Variants in OTUD7A observed in about 807,000 individuals in gnomAD.
OTUD7A encodes the protein OTU deubiquitinase 7A, also known as OTU domain-containing protein 7A.
In OTUD7A, 12 loss-of-function variants were observed where a neutral mutation model predicts 65.7. The observed-to-expected ratio is 0.18, with a 90% CI of 0.12 to 0.30. The LOEUF (loss-of-function observed/expected upper bound fraction) is 0.30, where lower values mean the gene tolerates loss of function less well. Among genes scored for constraint, OTUD7A ranks in the 10% least tolerant of loss-of-function variants. OTUD7A has a pLI of 1.00. For synonymous variants in OTUD7A, 641 were observed against 586.3 expected, an observed-to-expected ratio of 1.09 and a Z score of -1.35; for missense variants, 1,148 against 1,304.8, an observed-to-expected ratio of 0.88 and a Z score of 1.85.
At position 31,498,315 on chromosome 15, in the gene OTUD7A, A is replaced by C. The variant is rs1238193465; in HGVS notation, c.1171+3375T>G. Among the ~76,000 whole-genome samples, 1 of 152,162 alleles carries C rather than the reference A, an allele frequency of 6.6e-6. No homozygotes were observed. The highest frequency in any genetic ancestry group is 6.5e-5 in the Admixed American group (1 of 15,290). ...ACAGAAATGCAGATTATTTTATTACATTGGTTTCCTTTGATTTCTCCTGAT... is the reference window on the plus strand; with the variant it reads ...ACAGAAATGCAGATTATTTTATTACCTTGGTTTCCTTTGATTTCTCCTGAT... On this transcript the variant is annotated intron_variant, in intron 10 of 12. Transcript: ENST00000307050. This position sits in a 1 kb window ranked among gnomAD's most constrained non-coding sequence, Gnocchi z 4.2.
intron 1 of OTUD7A, among the ~76,000 whole-genome samples, chr15:31,754,263 T>C (rs1894747360): frequency 6.6e-6 from 1 of 152,210 alleles, no homozygotes; most frequent in African/African-American, 2.4e-5. Context: ...TATTAGTCCT[T>C]TGTCAGACAT....
chr15:31,840,716 T>C (rs896415146), intron 1 of OTUD7A, among the ~76,000 whole-genome samples: 2 of 152,226 alleles, frequency 1.3e-5, no homozygotes, highest in African/African-American at 2.4e-5. Flanking sequence ...AATATTAAAA[T>C]GGACAATAAT....
chr15:31,560,251 T>C (rs1888646807), intron 4 of OTUD7A, among the ~76,000 whole-genome samples: 1 of 152,246 alleles, frequency 6.6e-6, no homozygotes. Context: ...GCCTCCTACA[T>C]GGCCCTCCCA....
At chr15:31,740,943 A>G (rs1339211652) in intron 1 of OTUD7A, among the ~76,000 whole-genome samples, 6 of 152,254 alleles carry the variant, frequency 3.9e-5, no homozygotes, top group Non-Finnish European at 1.5e-5. Flanking sequence ...CTAGTGATAA[A>G]AAGAATTACT....
At chr15:31,785,149 C>T (rs1895639460) in intron 1 of OTUD7A, among the ~76,000 whole-genome samples, 1 of 152,178 alleles carries the variant, frequency 6.6e-6, no homozygotes, top group African/African-American at 2.4e-5. Flanking sequence ...TGCAAGTACA[C>T]TTTGATGGAT....
chr15:31,686,485 T>C (rs555878896), intron 1 of OTUD7A, among the ~76,000 whole-genome samples: 50 of 152,372 alleles, frequency 3.3e-4, no homozygotes, highest in African/African-American at 9.9e-4. Flanking sequence ...ACCAGAGGTT[T>C]GCTTTCACCT....
At chr15:31,632,028 G>A (rs1160126707) in intron 3 of OTUD7A, among the ~76,000 whole-genome samples, 4 of 152,030 alleles carry the variant, frequency 2.6e-5, no homozygotes, top group Non-Finnish European at 5.9e-5. Context: ...TTTGCCATTG[G>A]TTTGAATTTC....
At chr15:31,509,439 C>T (rs917167532) in intron 8 of OTUD7A, among the ~76,000 whole-genome samples, 3 of 151,918 alleles carry the variant, frequency 2.0e-5, no homozygotes, top group Non-Finnish European at 2.9e-5. Context: ...CCTCCATGCC[C>T]GGCTATTTTT....
intron 3 of OTUD7A, among the ~76,000 whole-genome samples, chr15:31,610,293 C>T (rs1343883090): frequency 1.3e-5 from 2 of 151,738 alleles, no homozygotes; most frequent in Admixed American, 1.3e-4. Flanking sequence ...CCGGAGCTCC[C>T]AAATCTATAC....
chr15:31,862,028 G>A (rs550538329), intron 1 of OTUD7A, among the ~76,000 whole-genome samples: 67 of 152,274 alleles, frequency 4.4e-4, no homozygotes, highest in Non-Finnish European at 7.4e-4. Flanking sequence ...GGGTGACAGT[G>A]CAGACCCTAG....
intron 3 of OTUD7A, among the ~76,000 whole-genome samples, chr15:31,581,526 C>T (rs1428445851): frequency 1.3e-5 from 2 of 152,258 alleles, no homozygotes; most frequent in Non-Finnish European, 2.9e-5. Flanking sequence ...CATTTCCATA[C>T]ATCCTCTGAA....
At chr15:31,552,954 A>C (rs562554672) in intron 5 of OTUD7A, among the ~76,000 whole-genome samples, 8 of 152,316 alleles carry the variant, frequency 5.3e-5, no homozygotes, top group African/African-American at 1.4e-4. Context: ...AAGGGAGTGT[A>C]AAAGTAGCTG....
rs368070594 is a variant in OTUD7A at position 31,645,799 on chromosome 15, G to C, written c.151+9297C>G. On this transcript the variant is annotated intron_variant, in intron 3 of 12. Transcript: ENST00000307050. ...TTGGCAAACTACTGCCCATAGGCTG[G>C]CTGGCTGCCTGTTTTATAAATAAAA... Among the ~76,000 whole-genome samples, 359 of 152,234 alleles carry C rather than the reference G, an allele frequency of 2.4e-3. 2 individuals are homozygous for C. The highest frequency in any genetic ancestry group is 0.018 in the South Asian group (86 of 4,822).
At chr15:31,504,199 C>A (rs569622331) in intron 8 of OTUD7A, among the ~76,000 whole-genome samples, 9 of 152,202 alleles carry the variant, frequency 5.9e-5, no homozygotes, top group African/African-American at 2.2e-4. Flanking sequence ...GGAGGGGTTC[C>A]TCTCCTGTTT....
intron 5 of OTUD7A, among the ~76,000 whole-genome samples, chr15:31,541,732 T>C (rs1484710624): frequency 6.6e-6 from 1 of 152,180 alleles, no homozygotes; most frequent in Non-Finnish European, 1.5e-5. Context: ...AACTGTTTAA[T>C]CACTTCATAA....
intron 1 of OTUD7A, among the ~76,000 whole-genome samples, chr15:31,729,152 T>C (rs1033573874): frequency 2.0e-5 from 3 of 152,242 alleles, no homozygotes; most frequent in South Asian, 2.1e-4. Context: ...CATAGGTAGG[T>C]ATGCAGAAAA....
chr15:31,825,816 C>G (rs896182184), intron 1 of OTUD7A, among the ~76,000 whole-genome samples: 2 of 152,200 alleles, frequency 1.3e-5, no homozygotes, highest in African/African-American at 2.4e-5. Context: ...AAAGGTGAGA[C>G]ATTGGCCAAA....
intron 10 of OTUD7A, among the ~76,000 whole-genome samples, chr15:31,497,804 T>G (rs550850367): frequency 5.3e-5 from 8 of 152,294 alleles, no homozygotes; most frequent in African/African-American, 1.9e-4. Flanking sequence ...TGGCTGCAAC[T>G]ATTCCCTGGG....
chr15:31,577,660 C>T (rs182045550), intron 3 of OTUD7A, among the ~76,000 whole-genome samples: 90 of 152,086 alleles, frequency 5.9e-4, no homozygotes, highest in African/African-American at 2.0e-3. Context: ...CATGGTCATT[C>T]GTACTGGCTC....
Sources: gnomAD v4.1 joint callset for allele counts (sites outside exome capture counted in the v4.1 genomes callset) on GRCh38, gnomAD v4.1.1 for gene constraint, Gnocchi (gnomAD v3.1) non-coding constraint, MANE v1.5 for transcripts, NCBI Gene and HGNC (gene_info 2026-07-23, HGNC 2026-07-21) for gene names.